Variants in UBA3 observed in about 807,000 individuals in gnomAD.
UBA3 encodes ubiquitin like modifier activating enzyme 3.
A neutral mutation model predicts 73.5 loss-of-function variants in UBA3; 26 were observed. The observed-to-expected ratio is 0.35, with a 90% CI of 0.26 to 0.49. The LOEUF (loss-of-function observed/expected upper bound fraction) is 0.49. UBA3 is among the 20% of genes least tolerant of loss of function. UBA3 has a pLI of 0.98. For synonymous variants in UBA3, 217 were observed against 191.2 expected (o/e 1.13, Z -1.11); for missense variants, 495 against 555.6 (o/e 0.89, Z 1.10).
At chr3:69,079,981 G>GATC in intron 2 of UBA3, 131 bp downstream of exon 2, 1 of 791,766 alleles carries the variant, frequency 1.3e-6, no homozygotes, top group Non-Finnish European at 2.0e-6. Context: ...ATCAGGGGAT[G>GATC]AGGCAGCGCG....
intron 6 of UBA3, among the ~76,000 whole-genome samples, chr3:69,065,512 A>C (rs748805410): frequency 4.6e-5 from 7 of 152,150 alleles, no homozygotes; most frequent in Non-Finnish European, 8.8e-5. Context: ...CACAATAAAG[A>C]TCTCTCTGCA....
At chr3:69,077,213 T>C (rs2092175585) in intron 3 of UBA3, 3 of 151,956 alleles carry the variant, frequency 2.0e-5, no homozygotes, top group Admixed American at 2.0e-4. Context: ...CGTTAATTTA[T>C]GGGAGTAACA....
intron 3 of UBA3, 102 bp downstream of exon 3, chr3:69,077,691 AATTTT>A (rs1180484937): frequency 1.5e-5 from 19 of 1,259,924 alleles, no homozygotes; most frequent in Non-Finnish European, 2.0e-5. Flanking sequence ...TTCACAAAAC[AATTTT>A]ATTAGTATTT....
In UBA3 at chr3:69,061,820, T is replaced by C; in HGVS notation, c.904A>G (p.Thr302Ala). 6.3e-7 allele frequency: 1 copy of C among 1,585,940 alleles called. No homozygotes were observed. The highest frequency in any genetic ancestry group is 8.6e-7 in the Non-Finnish European group (1 of 1,167,980). Residue 302 changes from threonine to alanine, a missense_variant, in exon 11 of 18, where the codon ACT (threonine) becomes GCT (alanine). Transcript: ENST00000361055. Reference sequence around the variant, plus strand: ...TGACAATTTGCTGACTTACCTTGAGTGAGCCTATACGTAACACCCCTAATA... The same window carrying C: ...TGACAATTTGCTGACTTACCTTGAGCGAGCCTATACGTAACACCCCTAATA... ...YNIRGVTYRL[T>A]QGVVKRIIPA...
Position 69,056,164 on chromosome 3 carries a change from A to G in UBA3, c.1184+19T>C, listed in dbSNP as rs116189705. ...ACAAAAATGATTTTTACAACATAAC[A>G]AAAATCTACAATACTTACAGAGAAG... On this transcript the variant is annotated intron_variant, in intron 15 of 17. Transcript: ENST00000361055. The G allele has an allele frequency of 2.1e-3, 3,341 of 1,566,890 alleles. 51 individuals are homozygous for G. In the African/African-American group the frequency reaches 0.042, roughly 20 times the overall value.
chr3:69,060,565 T>C lies in UBA3; in HGVS notation c.910+1249A>G, dbSNP rs1020097130. Among the ~76,000 whole-genome samples, 54 of 152,232 alleles carry C rather than the reference T, an allele frequency of 3.5e-4. 1 individual carries two copies. Among genetic ancestry groups the C allele is most frequent in the African/African-American group, 9.2e-4 (38 of 41,456 alleles). ...TAGGAAAAGTTGTTTTCTCTAACTA[T>C]ATTCCAGTTAACCAATATGGATAGC... On this transcript the variant is annotated intron_variant, in intron 11 of 17. Coordinates refer to ENST00000361055, the MANE Select transcript of UBA3 (RefSeq NM_003968.4).
chr3:69,080,031 C>T, intron 2 of UBA3, 81 bp downstream of exon 2: 2 of 1,371,416 alleles, frequency 1.5e-6, no homozygotes, highest in Non-Finnish European at 2.0e-6. Flanking sequence ...CCCCCGGGCC[C>T]GCTGCGGCTG....
rs749819588 is a variant in UBA3 at position 69,061,946 on chromosome 3, GGA to G, written c.797-21_797-20del. On this transcript the variant is annotated intron_variant, in intron 10 of 17. Transcript: ENST00000361055. ...ACCCCTTCTGTTTAAAAAAAAAAAG[GGA>G]GAGAGAGAGAGAGAGAAGACAGGAA... is the stretch of plus-strand genomic sequence containing the variant. 5,982 of 1,326,924 alleles carry G rather than the reference GGA, an allele frequency of 4.5e-3. No individual in the cohort carries two copies. The highest frequency in any genetic ancestry group is 6.6e-3 in the South Asian group (447 of 67,642). The allele number at this position is 1,326,924 out of a possible 1,614,324, so 82.2% of individuals were successfully genotyped here.
chr3:69,068,724 G>T (rs1342308333), intron 5 of UBA3, among the ~76,000 whole-genome samples: 1 of 152,072 alleles, frequency 6.6e-6, no homozygotes, highest in East Asian at 1.9e-4. Flanking sequence ...TGAGATTACA[G>T]GTGCCTGCCA....
intron 2 of UBA3, among the ~76,000 whole-genome samples, chr3:69,079,048 G>T (rs1167863901): frequency 6.6e-6 from 1 of 152,114 alleles, no homozygotes; most frequent in African/African-American, 2.4e-5. Flanking sequence ...TTACAAAAGG[G>T]ACCAAGAAGT....
At chr3:69,079,921 G>A in intron 2 of UBA3, 191 bp downstream of exon 2, 2 of 553,406 alleles carry the variant, frequency 3.6e-6, no homozygotes, top group Non-Finnish European at 6.3e-6. Flanking sequence ...CGCCCGCACC[G>A]GGCAGATACC....
rs931849097 is a variant in UBA3 at position 69,067,850 on chromosome 3, T to A, written c.428+78A>T. The A allele has an allele frequency of 2.7e-6, 3 of 1,096,334 alleles. No homozygotes were observed. In the African/African-American group the frequency reaches 4.9e-5, roughly 18 times the overall value. 67.9% of individuals were successfully genotyped at this position (1,096,334 alleles called of 1,614,324 possible). A position where few individuals can be genotyped will look rare whatever the true frequency, so the allele number is the denominator to read the frequency against. ...TTTTTTTCCCTCTTGCTTATCTGTA[T>A]TCTCTGTTAAATATCTCTTATAATA... is the stretch of plus-strand genomic sequence containing the variant. On this transcript the variant is annotated intron_variant, in intron 6 of 17. Coordinates refer to ENST00000361055, the MANE Select transcript of UBA3 (RefSeq NM_003968.4).
At chr3:69,060,558 CTAACTATATTCCAGT>C (rs1293186940) in intron 11 of UBA3, among the ~76,000 whole-genome samples, 1 of 152,194 alleles carries the variant, frequency 6.6e-6, no homozygotes, top group Non-Finnish European at 1.5e-5. Flanking sequence ...GTTGTTTTCT[CTAACTATATTCCAGT>C]TAACCAATAT....
intron 5 of UBA3, among the ~76,000 whole-genome samples, chr3:69,070,917 TAC>T (rs2092117553): frequency 5.3e-5 from 8 of 152,208 alleles, no homozygotes; most frequent in Admixed American, 3.3e-4. Flanking sequence ...GTGTTGGGAT[TAC>T]AGGTGTAAGC....
In UBA3 at chr3:69,067,989, G is replaced by A. The variant is rs2092087858; in HGVS notation, c.367C>T (p.Pro123Ser). Residue 123 changes from proline (P) to serine (S), a missense_variant, in exon 6 of 18, where the codon CCT (proline) becomes TCT (serine). Coordinates refer to ENST00000361055, the MANE Select transcript of UBA3 (RefSeq NM_003968.4). ...AATTCTGCAGCAACTTCAGCCTTAGGTCTTCCAATATCTTTAGGCCTACAG... is the reference window on the plus strand; with the variant it reads ...AATTCTGCAGCAACTTCAGCCTTAGATCTTCCAATATCTTTAGGCCTACAG... ...FLFRPKDIGR[P>S]KAEVAAEFLN... 3 of 1,603,580 alleles carry A rather than the reference G, an allele frequency of 1.9e-6. No homozygotes were observed. Among genetic ancestry groups the A allele is most frequent in the Non-Finnish European group, 2.6e-6 (3 of 1,174,148 alleles).
chr3:69,058,925 G>T (rs545786028), intron 11 of UBA3, among the ~76,000 whole-genome samples: 1 of 152,170 alleles, frequency 6.6e-6, no homozygotes, highest in Non-Finnish European at 1.5e-5. Flanking sequence ...CCTGGTAAAA[G>T]GTAAAGAAGG....
chr3:69,067,820 C>T lies in UBA3; in HGVS notation c.428+108G>A, dbSNP rs143397091. 5.8e-4 allele frequency: 412 copies of T among 714,312 alleles called. 4 individuals are homozygous for T. In the African/African-American group the frequency reaches 7.0e-3, roughly 12 times the overall value. 44.2% of individuals were successfully genotyped at this position (714,312 alleles called of 1,614,324 possible). On this transcript the variant is annotated intron_variant, in intron 6 of 17. Transcript: ENST00000361055. ...TATCTCAGTAATAAAGTTACTACTG[C>T]TGACTTTTTTTCCCTCTTGCTTATC...
rs769587817 is a variant in UBA3, at chr3:69,077,785, A to C, written c.183+13T>G. 6 of 1,606,620 alleles carry C rather than the reference A, an allele frequency of 3.7e-6. No individual in the cohort carries two copies. In the South Asian group the frequency reaches 6.7e-5, roughly 18 times the overall value. On this transcript the variant is annotated intron_variant, in intron 3 of 17. Coordinates refer to ENST00000361055, the MANE Select transcript of UBA3 (RefSeq NM_003968.4). ...ACTATTAGAGCAGTTATTTAAAAAT[A>C]AACGTTTCTCACTTCAGTGCTCGGT...
chr3:69,067,847 G>T, intron 6 of UBA3, 81 bp downstream of exon 6: 1 of 1,053,836 alleles, frequency 9.5e-7, no homozygotes, highest in Non-Finnish European at 1.4e-6. Context: ...TTGCTTATCT[G>T]TATTCTCTGT....
Sources: gnomAD v4.1 joint callset for allele counts (sites outside exome capture counted in the v4.1 genomes callset) on GRCh38, gnomAD v4.1.1 for gene constraint, MANE v1.5 for transcripts, NCBI Gene and HGNC (gene_info 2026-07-23, HGNC 2026-07-21) for gene names.